Variants in SEL1L2 observed in about 807,000 individuals in gnomAD.
SEL1L2 encodes the protein SEL1L2 adaptor subunit of SYVN1 ubiquitin ligase.
A neutral mutation model predicts 98.8 loss-of-function variants in SEL1L2; 89 were observed. The ratio of observed to expected loss-of-function variants is 0.90; its 90% CI spans 0.76 to 1.07. The LOEUF is 1.07. SEL1L2 is among the 50% of genes least tolerant of loss of function. The pLI is 0.00. For missense variants in SEL1L2, 788 were observed against 812.0 expected (o/e 0.97, Z 0.36); for synonymous variants, 262 against 278.5 (o/e 0.94, Z 0.59).
Position 13,956,132 on chromosome 20 carries a change from C to A in SEL1L2, c.59-1G>T. The A allele has an allele frequency of 6.8e-7, 1 of 1,476,068 alleles. No individual in the cohort carries two copies. Among genetic ancestry groups the A allele is most frequent in the Admixed American group, 2.1e-5 (1 of 48,482 alleles). 91.4% of individuals were successfully genotyped at this position (1,476,068 alleles called of 1,614,324 possible). A position where few individuals can be genotyped will look rare whatever the true frequency, so the allele number is the denominator to read the frequency against. On this transcript the variant is annotated splice_acceptor_variant, in intron 1 of 19. Transcript: ENST00000284951. LOFTEE classifies it high-confidence loss of function. ...TTATTATGTTCCTCTGCTTTGATAG[C>A]TGCAATACACAAAATTTTTTTATAA... is the stretch of plus-strand genomic sequence containing the variant.
intron 12 of SEL1L2, among the ~76,000 whole-genome samples, chr20:13,873,247 C>G (rs1306591190): frequency 6.6e-6 from 1 of 152,176 alleles, no homozygotes; most frequent in Non-Finnish European, 1.5e-5. Context: ...GCCTCAGCCT[C>G]CCAAAGTGCT....
chr20:13,902,189 T>C (rs1474126316), intron 5 of SEL1L2, among the ~76,000 whole-genome samples: 1 of 152,122 alleles, frequency 6.6e-6, no homozygotes, highest in Non-Finnish European at 1.5e-5. Flanking sequence ...TTTGGTCCAG[T>C]GTCCAAGCTC....
chr20:13,976,244 C>A (rs750840634), intron 1 of SEL1L2, among the ~76,000 whole-genome samples: 22 of 152,018 alleles, frequency 1.4e-4, no homozygotes, highest in Non-Finnish European at 2.9e-4. Flanking sequence ...TCGTGATCCA[C>A]CGGCCTCGGC....
chr20:13,872,460 T>C (rs1016402341), intron 12 of SEL1L2, among the ~76,000 whole-genome samples: 13 of 152,168 alleles, frequency 8.5e-5, no homozygotes, highest in African/African-American at 2.9e-4. Context: ...AAGAAGGACG[T>C]GGTTGCTTTC....
chr20:13,928,323 T>C (rs1185447289), intron 3 of SEL1L2: 1 of 152,220 alleles, frequency 6.6e-6, no homozygotes, highest in Non-Finnish European at 1.5e-5. Flanking sequence ...GCTTCTGTGT[T>C]GCAGGGAGGT....
At position 13,886,531 on chromosome 20, in the gene SEL1L2, A is replaced by G. The variant is rs1600613949; in HGVS notation, c.746-89T>C. The G allele has an allele frequency of 3.7e-5, 39 of 1,065,178 alleles. No individual in the cohort carries two copies. The East Asian group carries it at 9.2e-4, about 25-fold the overall frequency. 66.0% of individuals were successfully genotyped at this position (1,065,178 alleles called of 1,614,324 possible). ...TTAGAGAAAACACCGTTAGCTTATT[A>G]TCTTAAATTGTGCAGAAATCTGTTC... On this transcript the variant is annotated intron_variant, in intron 8 of 19. Transcript: ENST00000284951.
intron 1 of SEL1L2, among the ~76,000 whole-genome samples, chr20:13,974,250 T>G (rs544466819): frequency 6.6e-6 from 1 of 152,174 alleles, no homozygotes. Flanking sequence ...TGTCTGGTAC[T>G]TCACTGTCTT....
intron 2 of SEL1L2, among the ~76,000 whole-genome samples, chr20:13,948,068 G>A (rs753668286): frequency 9.9e-5 from 15 of 152,202 alleles, no homozygotes; most frequent in Non-Finnish European, 1.5e-4. Context: ...TTGGGCAAAG[G>A]TGCCACCAGC....
At chr20:13,965,428 C>T (rs2050998109) in intron 1 of SEL1L2, among the ~76,000 whole-genome samples, 1 of 152,138 alleles carries the variant, frequency 6.6e-6, no homozygotes, top group African/African-American at 2.4e-5. Context: ...AGATGATTTG[C>T]ACTACAAGGG....
At chr20:13,990,369 G>A in intron 1 of SEL1L2, 108 bp downstream of exon 1, 1 of 743,204 alleles carries the variant, frequency 1.3e-6, no homozygotes, top group African/African-American at 1.8e-5. Flanking sequence ...GCATTAGTTA[G>A]GGATATAGTA....
intron 5 of SEL1L2, among the ~76,000 whole-genome samples, chr20:13,891,915 T>G (rs1242218567): frequency 6.6e-6 from 1 of 152,092 alleles, no homozygotes; most frequent in Admixed American, 6.5e-5. Context: ...TATGAAAAGG[T>G]ATGTATGTAG....
rs1408924001 is a variant in SEL1L2, at chr20:13,986,611, T to C, written c.58+3866A>G. Among the ~76,000 whole-genome samples, 4 of 152,242 alleles carry C rather than the reference T, an allele frequency of 2.6e-5. No homozygotes were observed. In the East Asian group the frequency reaches 7.7e-4, roughly 29 times the overall value. On this transcript the variant is annotated intron_variant, in intron 1 of 19. Coordinates refer to ENST00000284951, the MANE Select transcript of SEL1L2 (RefSeq NM_025229.2). ...TGGCTGAGTAATATTCCATTGTATGTATATTCCAATGTATATACCACAATT... is the reference window on the plus strand; with the variant it reads ...TGGCTGAGTAATATTCCATTGTATGCATATTCCAATGTATATACCACAATT...
At chr20:13,849,961 C>T (rs1052804541) in intron 19 of SEL1L2, 14 of 569,198 alleles carry the variant, frequency 2.5e-5, no homozygotes, top group Non-Finnish European at 4.1e-5. Context: ...GTAGTGTGTA[C>T]TGGAAAAGAA....
intron 14 of SEL1L2, 95 bp downstream of exon 14, chr20:13,869,408 C>G: frequency 2.1e-6 from 2 of 937,538 alleles, no homozygotes; most frequent in Non-Finnish European, 3.5e-6. Context: ...CTGTCTAAAC[C>G]ACTCACACCA....
intron 18 of SEL1L2, among the ~76,000 whole-genome samples, chr20:13,856,786 A>T (rs1249625640): frequency 6.6e-6 from 1 of 152,250 alleles, no homozygotes; most frequent in African/African-American, 2.4e-5. Flanking sequence ...TTTATAAAGC[A>T]TTATTCCATA....
At chr20:13,905,473 G>A (rs1425648801) in intron 5 of SEL1L2, among the ~76,000 whole-genome samples, 4 of 151,902 alleles carry the variant, frequency 2.6e-5, no homozygotes, top group African/African-American at 9.7e-5. Context: ...ACCATGCCCG[G>A]CTAATTTTTT....
intron 1 of SEL1L2, among the ~76,000 whole-genome samples, chr20:13,972,455 C>G (rs1457671991): frequency 5.3e-5 from 8 of 152,036 alleles, no homozygotes; most frequent in Non-Finnish European, 1.0e-4. Context: ...ATAAAATAAG[C>G]CTTTATTTAG....
chr20:13,941,535 G>A (rs932407556), intron 2 of SEL1L2, among the ~76,000 whole-genome samples: 1 of 152,194 alleles, frequency 6.6e-6, no homozygotes, highest in Non-Finnish European at 1.5e-5. Flanking sequence ...GAATACAGGG[G>A]TAAGAGAAAG....
chr20:13,862,193 T>G (rs1452494047), intron 17 of SEL1L2, among the ~76,000 whole-genome samples: 1 of 152,206 alleles, frequency 6.6e-6, no homozygotes, highest in Non-Finnish European at 1.5e-5. Context: ...TCCCTAGATA[T>G]CAAGTACTTT....
Sources: allele counts gnomAD v4.1 joint callset (sites outside exome capture counted in the v4.1 genomes callset), GRCh38; gene constraint gnomAD v4.1.1; transcripts MANE v1.5; gene names NCBI Gene and HGNC (gene_info 2026-07-23, HGNC 2026-07-21).